The following PYGM variants were observed in gnomAD, a reference collection of about 807,000 sequenced individuals.
PYGM encodes the protein glycogen phosphorylase, muscle associated, also known as glycogen phosphorylase, muscle form.
Under a neutral mutation model 99.3 loss-of-function variants are expected in PYGM, and 81 were observed. The ratio of observed to expected loss-of-function variants is 0.82; its 90% CI spans 0.68 to 0.98. The LOEUF is 0.98. PYGM is among the 50% of genes least tolerant of loss of function. The pLI is 0.00. For missense variants in PYGM, 1,030 were observed against 1,158.1 expected, an observed-to-expected ratio of 0.89 and a Z score of 1.61; for synonymous variants, 436 against 451.5, an observed-to-expected ratio of 0.97 and a Z score of 0.44.
intron 12 of PYGM, 90 bp downstream of exon 12, chr11:64,752,983 C>T: frequency 1.7e-6 from 2 of 1,204,100 alleles, no homozygotes; most frequent in Non-Finnish European, 2.5e-6. Flanking sequence ...AGCTGGGAGC[C>T]CTGATGCAGT....
chr11:64,753,334 G>A (rs999876641), intron 11 of PYGM, 147 bp from the exon 12 acceptor site: 3 of 1,178,936 alleles, frequency 2.5e-6, no homozygotes, highest in Non-Finnish European at 2.5e-6. Flanking sequence ...GTGTGTAAGA[G>A]GAGGTCATCT....
rs183644271 is a variant in PYGM, at chr11:64,751,565, C to T, written c.1827+32G>A. The T allele has an allele frequency of 1.2e-4, 201 of 1,614,012 alleles. 1 individual carries two copies. In the African/African-American group the frequency reaches 2.3e-3, roughly 18 times the overall value. On this transcript the variant is annotated intron_variant, in intron 15 of 19. Transcript: ENST00000164139. ...ACCTCAACCTGGATATATCAAAGGACGGGAGCCCAGGGCTGGAGCCTGGCT... is the reference window on the plus strand; with the variant it reads ...ACCTCAACCTGGATATATCAAAGGATGGGAGCCCAGGGCTGGAGCCTGGCT...
chr11:64,753,499 A>AGAGAGGGG lies in PYGM; in HGVS notation c.1403+19_1403+20insCCCCTCTC, dbSNP rs1307120342. On this transcript the variant is annotated intron_variant, in intron 11 of 19. Coordinates refer to ENST00000164139, the MANE Select transcript of PYGM (RefSeq NM_005609.4). The stretch of plus-strand genomic sequence containing the variant: ...TGGGTGGGGCCTAGAGAGGGGCGGG[A>AGAGAGGGG]TCTGGAAAGCGGGGCTCACATGGTC... The AGAGAGGGG allele has an allele frequency of 6.4e-7, 1 of 1,569,360 alleles. No homozygotes were observed. Among genetic ancestry groups the AGAGAGGGG allele is most frequent in the Non-Finnish European group, 8.6e-7 (1 of 1,163,056 alleles).
Position 64,755,492 on chromosome 11 carries a change from G to T in PYGM, c.727C>A (p.Arg243Ser). The T allele has an allele frequency of 6.2e-7, 1 of 1,614,128 alleles. No individual in the cohort carries two copies. Among genetic ancestry groups the T allele is most frequent in the Non-Finnish European group, 8.5e-7 (1 of 1,180,004 alleles). The change falls in exon 6 of 20, where the codon CGC becomes AGC. Residue 243 changes from arginine to serine, a missense_variant. Coordinates refer to ENST00000164139, the MANE Select transcript of PYGM (RefSeq NM_005609.4). This position sits in a 1 kb window ranked among gnomAD's most constrained non-coding sequence, Gnocchi z 4.1. The part of the protein sequence containing the change: ...GYRNNVVNTM[R>S]LWSAKAPNDF... ...TTGGGAGCCTTGGCAGACCAGAGGC[G>T]CATGGTGTTGACAACATTGTTGCGA...
chr11:64,759,607 C>T lies in PYGM; in HGVS notation c.243+49G>A, dbSNP rs753126642. The stretch of plus-strand genomic sequence containing the variant: ...CACTTAAGTCAAGATCGCCAGCTCC[C>T]TGGCAGCGCCTTCAGCCCATACCCC... On this transcript the variant is annotated intron_variant, in intron 1 of 19. Transcript: ENST00000164139. 4 of 1,607,848 alleles carry T rather than the reference C, an allele frequency of 2.5e-6. No homozygotes were observed. The South Asian group carries it at 3.3e-5, about 13-fold the overall frequency.
rs376813233 is a variant in PYGM at position 64,747,187 on chromosome 11, G to C, written c.2312+37C>G. ...ACACCTGAGCCTCGATCTGCCCTGCGGCCCCACCTGAGTGATTCCCGGGCC... is the reference window on the plus strand; with the variant it reads ...ACACCTGAGCCTCGATCTGCCCTGCCGCCCCACCTGAGTGATTCCCGGGCC... On this transcript the variant is annotated intron_variant, in intron 18 of 19. Coordinates refer to ENST00000164139, the MANE Select transcript of PYGM (RefSeq NM_005609.4). 1.9e-6 allele frequency: 3 copies of C among 1,611,376 alleles called. No homozygotes were observed. In the Admixed American group the frequency reaches 5.0e-5, roughly 27 times the overall value.
rs535148783 is a variant in PYGM at position 64,753,496 on chromosome 11, G to A, written c.1403+23C>T. On this transcript the variant is annotated intron_variant, in intron 11 of 19. Transcript: ENST00000164139. ...GAGTGGGTGGGGCCTAGAGAGGGGC[G>A]GGATCTGGAAAGCGGGGCTCACATG... is the stretch of plus-strand genomic sequence containing the variant. 19 of 1,567,558 alleles carry A rather than the reference G, an allele frequency of 1.2e-5. No homozygotes were observed. In the East Asian group the frequency reaches 1.9e-4, roughly 15 times the overall value.
chr11:64,758,482 C>T lies in PYGM; in HGVS notation c.379G>A (p.Glu127Lys). 1 of 1,614,130 alleles carries T rather than the reference C, an allele frequency of 6.2e-7. No individual in the cohort carries two copies. Among genetic ancestry groups the T allele is most frequent in the Non-Finnish European group, 8.5e-7 (1 of 1,180,020 alleles). ...GLDMEELEEI[E>K]EDAGLGNGGL... ...CCGTTGCCCAGCCCCGCATCCTCCT[C>T]AATTTCCTCCAGCTCCTCCATGTCC... The change falls in exon 3 of 20, where the codon GAG (glutamate) becomes AAG (lysine). Residue 127 changes from glutamate (E) to lysine (K), a missense_variant. Transcript: ENST00000164139.
At chr11:64,760,049 T>C, upstream of PYGM, 1 of 1,236,172 alleles carries the variant, frequency 8.1e-7, no homozygotes, top group Non-Finnish European at 1.1e-6. Flanking sequence ...AATGGGAGGG[T>C]CTTGGCCTGG....
chr11:64,758,870 G>C (rs926606400), intron 1 of PYGM, among the ~76,000 whole-genome samples, 166 bp from the exon 2 acceptor site: 2 of 152,156 alleles, frequency 1.3e-5, no homozygotes, highest in Non-Finnish European at 2.9e-5. Context: ...CAGCGGTTAA[G>C]GTTCTGGTCC....
Position 64,751,925 on chromosome 11 carries a change from G to A in PYGM, c.1767C>T (p.Asn589=). ...LNCLHVITLY[N]RIKREPNKFF... ...CAGGGTAGAGTGGCTGCCACTCACG[G>A]TTGTACAGGGTGATGACATGGAGGC... is the stretch of plus-strand genomic sequence containing the variant. Residue 589 remains asparagine, a splice_region_variant and synonymous_variant, in exon 14 of 20, where the codon AAC becomes AAT. Transcript: ENST00000164139. 1 of 1,614,180 alleles carries A rather than the reference G, an allele frequency of 6.2e-7. No homozygotes were observed. The highest frequency in any genetic ancestry group is 1.1e-5 in the South Asian group (1 of 91,084).
At chr11:64,759,597 C>G in intron 1 of PYGM, 59 bp downstream of exon 1, 1 of 1,604,060 alleles carries the variant, frequency 6.2e-7, no homozygotes. Context: ...AAGTCAAGAT[C>G]GCCAGCTCCC....
At chr11:64,750,141 G>C (rs1246169711) in intron 17 of PYGM, among the ~76,000 whole-genome samples, 12 of 152,082 alleles carry the variant, frequency 7.9e-5, no homozygotes, top group Admixed American at 7.9e-4. Flanking sequence ...TTATCTCTTA[G>C]GGTTGATATA....
In PYGM at chr11:64,754,059, C is replaced by T. The variant is rs774540456; in HGVS notation, c.1093-34G>A. 3.8e-6 allele frequency: 6 copies of T among 1,595,806 alleles called. No homozygotes were observed. Among genetic ancestry groups the T allele is most frequent in the Non-Finnish European group, 4.3e-6 (5 of 1,171,302 alleles). On this transcript the variant is annotated intron_variant, in intron 9 of 19. Coordinates refer to ENST00000164139, the MANE Select transcript of PYGM (RefSeq NM_005609.4). The surrounding 1 kb of genome is among the most constrained non-coding windows in gnomAD (Gnocchi z 5.5). ...CGGGGTGGGCAGTCAGGATGCTGACCTCAGCCCAGTGGGTCTCCTCACACA... is the reference window on the plus strand; with the variant it reads ...CGGGGTGGGCAGTCAGGATGCTGACTTCAGCCCAGTGGGTCTCCTCACACA...
At position 64,747,277 on chromosome 11, in the gene PYGM, G is replaced by A. The variant is rs747072799; in HGVS notation, c.2259C>T (p.Pro753=). Residue 753 remains proline (P), a synonymous_variant, in exon 18 of 20, where the codon CCC becomes CCT. Coordinates refer to ENST00000164139, the MANE Select transcript of PYGM (RefSeq NM_005609.4). ...IEQLSSGFFS[P]KQPDLFKDIV... is the part of the protein sequence containing the mutation. The stretch of plus-strand genomic sequence containing the variant: ...TGTCCTTGAACAGGTCGGGCTGTTT[G>A]GGGGAGAAGAAGCCACTGCTCAGCT... 2 of 1,614,156 alleles carry A rather than the reference G, an allele frequency of 1.2e-6. No individual in the cohort carries two copies. Among genetic ancestry groups the A allele is most frequent in the East Asian group, 2.2e-5 (1 of 44,892 alleles).
Position 64,747,246 on chromosome 11 carries a change from T to C in PYGM, c.2290A>G (p.Asn764Asp), listed in dbSNP as rs190548494. 138 of 1,614,168 alleles carry C rather than the reference T, an allele frequency of 8.5e-5. 2 individuals carry two copies. In the East Asian group the frequency reaches 1.4e-3, roughly 17 times the overall value. The change falls in exon 18 of 20, where the codon AAT becomes GAT. Residue 764 changes from asparagine (N) to aspartate (D), a missense_variant. Physicochemically the swap from Asn to Asp is conservative, Grantham distance 23 (BLOSUM62 1). Coordinates refer to ENST00000164139, the MANE Select transcript of PYGM (RefSeq NM_005609.4). ...KQPDLFKDIV[N>D]MLMHHDRFKV... ...CACCGGTCATGGTGCATGAGCATAT[T>C]GACAATGTCCTTGAACAGGTCGGGC...
chr11:64,756,135 C>G (rs960226660), intron 5 of PYGM, among the ~76,000 whole-genome samples: 3 of 152,198 alleles, frequency 2.0e-5, no homozygotes, highest in Non-Finnish European at 2.9e-5. Flanking sequence ...GGGGCATCGC[C>G]CTCCCTCCCC....
At chr11:64,751,023 C>T (rs1446184661) in intron 16 of PYGM, 3 of 417,800 alleles carry the variant, frequency 7.2e-6, no homozygotes, top group African/African-American at 2.0e-5. Flanking sequence ...TCCCAAGTAG[C>T]TGGGATTATA....
Position 64,755,052 on chromosome 11 carries a change from G to A in PYGM, c.856-216C>T, listed in dbSNP as rs958574152. ...AAGAACCGAGTGTGTTGTGGGTGTC[G>A]CCAGGGAACAGCCCCTCCAAAGTGC... On this transcript the variant is annotated intron_variant, in intron 7 of 19. Coordinates refer to ENST00000164139, the MANE Select transcript of PYGM (RefSeq NM_005609.4). This position sits in a 1 kb window ranked among gnomAD's most constrained non-coding sequence, Gnocchi z 4.1. 4.6e-5 allele frequency among the ~76,000 whole-genome samples: 7 copies of A among 152,050 alleles called. No individual in the cohort carries two copies. The highest frequency in any genetic ancestry group is 6.5e-5 in the Admixed American group (1 of 15,274).
Sources: gnomAD v4.1 joint callset for allele counts (sites outside exome capture counted in the v4.1 genomes callset) on GRCh38, gnomAD v4.1.1 for gene constraint, Gnocchi (gnomAD v3.1) non-coding constraint, MANE v1.5 for transcripts, NCBI Gene and HGNC (gene_info 2026-07-23, HGNC 2026-07-21) for gene names.